The following COLQ variants were observed in gnomAD, a reference collection of about 807,000 sequenced individuals.
COLQ encodes acetylcholinesterase collagenic tail peptide.
COLQ carries 48 observed loss-of-function variants against 69.0 expected under a neutral mutation model. The observed-to-expected ratio is 0.70, with a 90% confidence interval of 0.55 to 0.88. The LOEUF is 0.88. COLQ is among the 40% of genes least tolerant of loss of function. The pLI, the probability that COLQ is intolerant of heterozygous loss-of-function variation, is 0.00. For missense variants in COLQ, 618 were observed against 594.6 expected (o/e 1.04, Z -0.41); for synonymous variants, 217 against 211.2 (o/e 1.03, Z -0.24).
chr3:15,456,716 A>G, intron 13 of COLQ, 137 bp from the exon 14 acceptor site: 1 of 1,139,486 alleles, frequency 8.8e-7, no homozygotes, highest in Non-Finnish European at 1.3e-6. Flanking sequence ...ACACTCTAGC[A>G]TTCCTTCTGA....
At chr3:15,455,119 C>G (rs1368472856) in intron 15 of COLQ, among the ~76,000 whole-genome samples, 1 of 152,202 alleles carries the variant, frequency 6.6e-6, no homozygotes, top group South Asian at 2.1e-4. Flanking sequence ...CAGATAATCT[C>G]TGCACATGTT....
chr3:15,451,887 G>C (rs975467804), intron 16 of COLQ, among the ~76,000 whole-genome samples, 174 bp from the exon 17 acceptor site: 2 of 152,132 alleles, frequency 1.3e-5, no homozygotes, highest in African/African-American at 4.8e-5. Context: ...TTTTTGCCTT[G>C]AGGTCTAGCT....
intron 6 of COLQ, among the ~76,000 whole-genome samples, chr3:15,476,518 T>G (rs1412453473): frequency 1.3e-5 from 2 of 152,166 alleles, no homozygotes; most frequent in African/African-American, 4.8e-5. Flanking sequence ...ATATAGCCAG[T>G]AAACAAATCA....
intron 12 of COLQ, 146 bp from the exon 13 acceptor site, chr3:15,458,471 CT>C (rs1461687560): frequency 1.0e-5 from 9 of 889,828 alleles, no homozygotes; most frequent in Non-Finnish European, 1.5e-5. Context: ...CAAAGAGATG[CT>C]TTTGATCCAA....
intron 1 of COLQ, among the ~76,000 whole-genome samples, chr3:15,494,595 T>C (rs972611506): frequency 6.6e-6 from 1 of 152,260 alleles, no homozygotes; most frequent in East Asian, 1.9e-4. Flanking sequence ...AGAGGCCTTC[T>C]GCTTGTACCC....
chr3:15,510,016 CA>C lies in COLQ; in HGVS notation c.106+11503del, dbSNP rs368368515. 5.0e-4 allele frequency among the ~76,000 whole-genome samples: 75 copies of C among 149,024 alleles called. 1 individual carries two copies. The highest frequency in any genetic ancestry group is 2.6e-3 in the Admixed American group (39 of 14,936). ...TGAAACCCCGTCTCTACTAAAAATA[CA>C]AAAAAAAAATTAGCCAGGCGTGGTG... On this transcript the variant is annotated intron_variant, in intron 1 of 16. Transcript: ENST00000383788.
chr3:15,498,464 T>G, intron 1 of COLQ: 1 of 1,198,600 alleles, frequency 8.3e-7, no homozygotes, highest in Non-Finnish European at 1.1e-6. Context: ...ACAATGCATG[T>G]GCATCCACAC....
intron 6 of COLQ, among the ~76,000 whole-genome samples, chr3:15,476,086 C>T (rs1404401275): frequency 6.6e-6 from 1 of 152,202 alleles, no homozygotes; most frequent in Non-Finnish European, 1.5e-5. Context: ...ATCATCCCAA[C>T]TTGTAATCTA....
intron 11 of COLQ, chr3:15,467,653 G>A (rs906981323): frequency 2.9e-6 from 1 of 349,734 alleles, no homozygotes; most frequent in African/African-American, 2.2e-5. Context: ...CTCTTCCCCT[G>A]AGCAATTTGC....
intron 5 of COLQ, chr3:15,477,459 C>A: frequency 2.1e-6 from 1 of 478,870 alleles, no homozygotes; most frequent in Non-Finnish European, 3.8e-6. Flanking sequence ...ATTTTTGTCA[C>A]TTCTACCCAC....
intron 1 of COLQ, among the ~76,000 whole-genome samples, chr3:15,507,369 A>G (rs2062925771): frequency 1.3e-5 from 2 of 152,238 alleles, no homozygotes; most frequent in Non-Finnish European, 2.9e-5. Flanking sequence ...GGCCCCAGCA[A>G]TTCACGTCTC....
At chr3:15,514,429 G>C (rs2063029261) in intron 1 of COLQ, among the ~76,000 whole-genome samples, 1 of 152,162 alleles carries the variant, frequency 6.6e-6, no homozygotes, top group Non-Finnish European at 1.5e-5. Context: ...GCTGGCCGTA[G>C]TTCAGTGATT....
rs539724520 is a variant in COLQ, at chr3:15,453,209, C to A, written c.1298+620G>T. 6.6e-5 allele frequency among the ~76,000 whole-genome samples: 10 copies of A among 152,250 alleles called. No individual in the cohort carries two copies. In the East Asian group the frequency reaches 1.7e-3, roughly 27 times the overall value. ...GGTGGCCCTCAGTTGGCTTGGCAGG[C>A]GCCAGTGTGGAGCCAGGACACTAGA... is the stretch of plus-strand genomic sequence containing the variant. On this transcript the variant is annotated intron_variant, in intron 16 of 16. Coordinates refer to ENST00000383788, the MANE Select transcript of COLQ (RefSeq NM_005677.4).
intron 1 of COLQ, among the ~76,000 whole-genome samples, chr3:15,500,243 T>TG (rs1441551118): frequency 2.6e-5 from 4 of 152,212 alleles, no homozygotes; most frequent in Non-Finnish European, 5.9e-5. Context: ...TCTCAGAAAC[T>TG]GGGTCTAAGA....
intron 13 of COLQ, among the ~76,000 whole-genome samples, chr3:15,457,117 C>T (rs367906526): frequency 5.3e-5 from 8 of 152,242 alleles, no homozygotes; most frequent in African/African-American, 1.9e-4. Context: ...AGCCACCGCG[C>T]CCGGCCTCGG....
chr3:15,489,651 A>T lies in COLQ; in HGVS notation c.107-14T>A. On this transcript the variant is annotated splice_polypyrimidine_tract_variant and intron_variant, in intron 1 of 16. Transcript: ENST00000383788. ...GGCTGGGAAGGGCTGTTCAGAGAAA[A>T]CTGCCGCTCGTTAGCATGTGGTCAG... 1.2e-6 allele frequency: 2 copies of T among 1,612,626 alleles called. No individual in the cohort carries two copies. The highest frequency in any genetic ancestry group is 1.7e-6 in the Non-Finnish European group (2 of 1,179,166).
chr3:15,460,239 G>T (rs1179119491), intron 12 of COLQ, among the ~76,000 whole-genome samples: 1 of 152,206 alleles, frequency 6.6e-6, no homozygotes, highest in Non-Finnish European at 1.5e-5. Context: ...CAAAGTAGGG[G>T]CATGGAAAGT....
chr3:15,467,519 C>T (rs2062217073), intron 11 of COLQ, among the ~76,000 whole-genome samples: 1 of 152,222 alleles, frequency 6.6e-6, no homozygotes, highest in South Asian at 2.1e-4. Flanking sequence ...TACAGCCGTT[C>T]CACATGGAGT....
At chr3:15,497,169 G>A (rs1274681873) in intron 1 of COLQ, among the ~76,000 whole-genome samples, 1 of 150,312 alleles carries the variant, frequency 6.7e-6, no homozygotes, top group Non-Finnish European at 1.5e-5. Context: ...TCAGTCTCCT[G>A]AGCAGCTGGG....
Sources: gnomAD v4.1 joint callset for allele counts (sites outside exome capture counted in the v4.1 genomes callset) on GRCh38, gnomAD v4.1.1 for gene constraint, MANE v1.5 for transcripts, NCBI Gene and HGNC (gene_info 2026-07-23, HGNC 2026-07-21) for gene names.